LRRC7: variants seen among roughly 807,000 people sequenced by gnomAD.
LRRC7 encodes the protein leucine rich repeat containing 7, also known as leucine-rich repeat-containing protein 7.
LRRC7 carries 23 observed loss-of-function variants against 175.7 expected under a neutral mutation model. The ratio of observed to expected loss-of-function variants is 0.13; its 90% CI spans 0.09 to 0.19. The LOEUF is 0.19. LRRC7 is among the 10% of genes least tolerant of loss of function. LRRC7 has a pLI of 1.00. For missense variants in LRRC7, 1,354 were observed against 1,904.7 expected (o/e 0.71, Z 5.38); for synonymous variants, 685 against 680.9 (o/e 1.01, Z -0.09).
chr1:69,907,561 A>G (rs1418757516), intron 7 of LRRC7, among the ~76,000 whole-genome samples: 1 of 152,136 alleles, frequency 6.6e-6, no homozygotes, highest in Non-Finnish European at 1.5e-5. Flanking sequence ...GCTGGATTAC[A>G]TTTATTGATT....
At chr1:70,078,852 A>ACT (rs1463575973) in intron 24 of LRRC7, among the ~76,000 whole-genome samples, 34 of 150,164 alleles carry the variant, frequency 2.3e-4, no homozygotes, top group Non-Finnish European at 3.7e-4. Flanking sequence ...ACACACACAC[A>ACT]CTCCCCGTAA....
chr1:70,078,828 A>G (rs61784286), intron 24 of LRRC7, among the ~76,000 whole-genome samples: 72,946 of 136,568 alleles, frequency 0.53, 18,602 homozygotes, highest in Middle Eastern at 0.64. Context: ...ACACACGCAC[A>G]CACACACACA....
At chr1:69,945,942 CT>C (rs1483277743) in intron 8 of LRRC7, among the ~76,000 whole-genome samples, 1 of 152,110 alleles carries the variant, frequency 6.6e-6, no homozygotes, top group Non-Finnish European at 1.5e-5. Flanking sequence ...CATTTTACAT[CT>C]CTTTTCTATT....
At chr1:69,700,050 A>G (rs560293729) in intron 2 of LRRC7, among the ~76,000 whole-genome samples, 2 of 152,266 alleles carry the variant, frequency 1.3e-5, no homozygotes, top group African/African-American at 2.4e-5. Context: ...ATGTTCCTTC[A>G]CAAATTCACC....
chr1:70,101,327 T>C (rs1664792799), intron 25 of LRRC7, among the ~76,000 whole-genome samples: 1 of 152,214 alleles, frequency 6.6e-6, no homozygotes, highest in African/African-American at 2.4e-5. Context: ...ATATAGTCTT[T>C]CTAGAAACCA....
At chr1:69,790,286 T>A (rs1444014289) in intron 3 of LRRC7, among the ~76,000 whole-genome samples, 1 of 152,050 alleles carries the variant, frequency 6.6e-6, no homozygotes, top group Non-Finnish European at 1.5e-5. Flanking sequence ...TGATTCCACA[T>A]ACCATATTCT....
At chr1:69,677,305 T>G (rs1488754224) in intron 1 of LRRC7, among the ~76,000 whole-genome samples, 1 of 149,906 alleles carries the variant, frequency 6.7e-6, no homozygotes, top group African/African-American at 2.4e-5. Context: ...CCACATTTTC[T>G]TTATCCACTT....
chr1:69,784,625 C>T (rs2101038374), intron 3 of LRRC7, among the ~76,000 whole-genome samples: 1 of 152,116 alleles, frequency 6.6e-6, no homozygotes, highest in South Asian at 2.1e-4. Flanking sequence ...ATTCTGTTAC[C>T]TTTTGTTGTT....
Position 69,879,220 on chromosome 1 carries a change from A to AAC in LRRC7, c.647+40938_647+40939insCA, listed in dbSNP as rs72309385. On this transcript the variant is annotated intron_variant, in intron 7 of 26. Transcript: ENST00000651989. ...TAAACCTAAAACTGCTTTAAAAAAA[A>AAC]AAAAAAAAAAAAAAAAGACTGCGCA... 5.7e-5 allele frequency among the ~76,000 whole-genome samples: 7 copies of AAC among 122,092 alleles called. No homozygotes were observed. The East Asian group carries it at 1.3e-3, about 22-fold the overall frequency. 80.1% of individuals were successfully genotyped at this position (122,092 alleles called of 152,430 possible).
intron 2 of LRRC7, among the ~76,000 whole-genome samples, chr1:69,733,748 G>A (rs568644061): frequency 1.3e-4 from 20 of 152,024 alleles, no homozygotes; most frequent in African/African-American, 4.8e-4. Context: ...CTGTTTTTGT[G>A]CAGAAAAACA....
In LRRC7 at chr1:69,709,439, ATCT is replaced by A. The variant is rs553518932; in HGVS notation, c.100+30966_100+30968del. On this transcript the variant is annotated intron_variant, in intron 2 of 26. Transcript: ENST00000651989. ...TAGGAGGTGGGGGCAGAAAGAATCA[ATCT>A]TCTTATGTACTAGGGGAGAAAAATT... Among the ~76,000 whole-genome samples, 20 of 152,314 alleles carry A rather than the reference ATCT, an allele frequency of 1.3e-4. No homozygotes were observed. The South Asian group carries it at 2.1e-3, about 16-fold the overall frequency.
At position 69,913,289 on chromosome 1, in the gene LRRC7, G is replaced by C. The variant is rs1003614236; in HGVS notation, c.648-18218G>C. ...TCCTTTTGGAAGATGCCATAAGCCA[G>C]TTTGACTTTTTGTTGTTCTTGAGGG... On this transcript the variant is annotated intron_variant, in intron 7 of 26. Coordinates refer to ENST00000651989, the MANE Select transcript of LRRC7 (RefSeq NM_001370785.2). Among the ~76,000 whole-genome samples the C allele has an allele frequency of 3.3e-5, 5 of 152,258 alleles. No individual in the cohort carries two copies. In the South Asian group the frequency reaches 8.3e-4, roughly 25 times the overall value.
intron 7 of LRRC7, among the ~76,000 whole-genome samples, chr1:69,916,706 T>C (rs1449026851): frequency 1.3e-5 from 2 of 152,158 alleles, no homozygotes; most frequent in African/African-American, 4.8e-5. Flanking sequence ...CATTCATTCA[T>C]GCCTGTGTAA....
Position 69,718,132 on chromosome 1 carries a change from A to AAGAGAG in LRRC7, c.100+39657_100+39658insGAGAGA, listed in dbSNP as rs1553146105. ...GAAAAAGAAAGAAAGAAAGAAAAGA[A>AAGAGAG]AGAAAGAGAGAGAAAGAAAGAAAGA... On this transcript the variant is annotated intron_variant, in intron 2 of 26. Transcript: ENST00000651989. Among the ~76,000 whole-genome samples the AAGAGAG allele has an allele frequency of 9.1e-3, 499 of 54,666 alleles. 9 individuals carry two copies. Among genetic ancestry groups the AAGAGAG allele is most frequent in the African/African-American group, 0.058 (445 of 7,608 alleles). The allele number at this position is 54,666 out of a possible 152,430, so 35.9% of individuals were successfully genotyped here. A position where few individuals can be genotyped will look rare whatever the true frequency, so the allele number is the denominator to read the frequency against.
At chr1:69,906,287 G>T (rs933308241) in intron 7 of LRRC7, among the ~76,000 whole-genome samples, 30 of 152,132 alleles carry the variant, frequency 2.0e-4, no homozygotes, top group Middle Eastern at 3.4e-3. Context: ...GTCAATTTTG[G>T]CTTTTGTTGC....
chr1:69,704,730 T>C (rs905059806), intron 2 of LRRC7, among the ~76,000 whole-genome samples: 9 of 151,992 alleles, frequency 5.9e-5, no homozygotes, highest in Non-Finnish European at 1.2e-4. Context: ...ACATTGTATC[T>C]ATTTATTAAG....
rs1452842603 is a variant in LRRC7 at position 70,122,354 on chromosome 1, A to G, written c.*467A>G. 6.6e-6 allele frequency: 1 copy of G among 152,374 alleles called. No individual in the cohort carries two copies. The highest frequency in any genetic ancestry group is 1.9e-4 in the East Asian group (1 of 5,204). 9.4% of individuals were successfully genotyped at this position (152,374 alleles called of 1,614,324 possible). A position where few individuals can be genotyped will look rare whatever the true frequency, so the allele number is the denominator to read the frequency against. On this transcript the variant is annotated 3_prime_UTR_variant, in exon 27 of 27. Transcript: ENST00000651989. The stretch of plus-strand genomic sequence containing the variant: ...ATATGTTGGCATATATACAAAAAGA[A>G]TATAGAGAAAAACAATATTTTCATA...
intron 1 of LRRC7, among the ~76,000 whole-genome samples, chr1:69,645,474 T>C (rs574622261): frequency 9.2e-5 from 14 of 152,022 alleles, no homozygotes; most frequent in Non-Finnish European, 1.9e-4. Flanking sequence ...TTAAGACACT[T>C]GACCTCCTAA....
chr1:69,986,169 A>T, intron 9 of LRRC7, 73 bp from the exon 10 acceptor site: 1 of 1,373,730 alleles, frequency 7.3e-7, no homozygotes, highest in Non-Finnish European at 1.0e-6. Flanking sequence ...TTTACAGTGT[A>T]GTGGTTCTTA....
Sources: allele counts gnomAD v4.1 joint callset (sites outside exome capture counted in the v4.1 genomes callset), GRCh38; gene constraint gnomAD v4.1.1; transcripts MANE v1.5; gene names NCBI Gene and HGNC (gene_info 2026-07-23, HGNC 2026-07-21).